MEI4: variants seen among roughly 807,000 people sequenced by gnomAD.
The protein encoded by MEI4 is meiosis-specific protein MEI4.
A neutral mutation model predicts 31.4 loss-of-function variants in MEI4; 27 were observed. That is an observed-to-expected ratio of 0.86 (90% CI 0.63 to 1.19). MEI4 has a LOEUF of 1.19. Among genes scored for constraint, MEI4 ranks in the 50% most tolerant of loss-of-function variants. The probability of loss-of-function intolerance (pLI) is 0.00; values close to 1 mark genes in which losing one functional copy is unlikely to be tolerated. For synonymous variants in MEI4, 122 were observed against 145.4 expected (o/e 0.84, Z 1.16); for missense variants, 329 against 398.9 (o/e 0.82, Z 1.49).
At chr6:77,842,452 T>C (rs1005187303) in intron 4 of MEI4, among the ~76,000 whole-genome samples, 2 of 149,962 alleles carry the variant, frequency 1.3e-5, no homozygotes, top group African/African-American at 5.0e-5. Flanking sequence ...TGAAGGGAGG[T>C]TTTAAATCAA....
intron 1 of MEI4, among the ~76,000 whole-genome samples, chr6:77,678,889 G>A (rs1404810135): frequency 6.6e-6 from 1 of 151,966 alleles, no homozygotes; most frequent in Non-Finnish European, 1.5e-5. Context: ...TTGACCCTGT[G>A]TATGTCTAGC....
intron 3 of MEI4, among the ~76,000 whole-genome samples, chr6:77,784,616 A>G (rs1280095336): frequency 1.3e-5 from 2 of 152,202 alleles, no homozygotes; most frequent in Non-Finnish European, 2.9e-5. Flanking sequence ...TGTCAATTAA[A>G]GCTGGCAGAA....
At chr6:77,794,460 G>A (rs991749072) in intron 3 of MEI4, among the ~76,000 whole-genome samples, 10 of 152,144 alleles carry the variant, frequency 6.6e-5, no homozygotes. Context: ...CTACTCGGGA[G>A]GGTGAGGCAG....
At chr6:77,883,745 A>ATATATATATGTAT (rs55947073) in intron 4 of MEI4, among the ~76,000 whole-genome samples, 1 of 82,302 alleles carries the variant, frequency 1.2e-5, no homozygotes, top group Admixed American at 1.3e-4. Flanking sequence ...TATATATATA[A>ATATATATATGTAT]CTTTGTCTTT....
At chr6:77,874,740 G>T (rs1238589730) in intron 4 of MEI4, among the ~76,000 whole-genome samples, 3 of 152,052 alleles carry the variant, frequency 2.0e-5, no homozygotes, top group African/African-American at 7.3e-5. Flanking sequence ...TTGGCTGTGG[G>T]TTTGTCATAG....
intron 1 of MEI4, among the ~76,000 whole-genome samples, chr6:77,669,704 CT>C (rs1768703709): frequency 6.6e-6 from 1 of 152,218 alleles, no homozygotes; most frequent in Non-Finnish European, 1.5e-5. Context: ...AATAGCTAAA[CT>C]TTGCAAGTTC....
chr6:77,712,896 G>A (rs942726916), intron 2 of MEI4, among the ~76,000 whole-genome samples: 2 of 151,982 alleles, frequency 1.3e-5, no homozygotes, highest in Middle Eastern at 3.4e-3. Context: ...GCGTAAACCC[G>A]GGAGGCGGAG....
chr6:77,862,239 G>C (rs1322578546), intron 4 of MEI4, among the ~76,000 whole-genome samples: 1 of 152,152 alleles, frequency 6.6e-6, no homozygotes, highest in Non-Finnish European at 1.5e-5. Flanking sequence ...AGGACAGTGG[G>C]TGCAGCGCAC....
At chr6:77,885,845 G>A (rs1317632484) in intron 4 of MEI4, among the ~76,000 whole-genome samples, 1 of 152,004 alleles carries the variant, frequency 6.6e-6, no homozygotes, top group Non-Finnish European at 1.5e-5. Context: ...TGTTCCTTCT[G>A]TGCCTACTTT....
chr6:77,682,577 T>C (rs1768978934), intron 1 of MEI4, among the ~76,000 whole-genome samples: 1 of 152,190 alleles, frequency 6.6e-6, no homozygotes, highest in South Asian at 2.1e-4. Context: ...ACTCCAAGGC[T>C]ATTTTCCTAG....
chr6:77,833,013 T>C (rs1033783343), intron 4 of MEI4, among the ~76,000 whole-genome samples: 8 of 152,164 alleles, frequency 5.3e-5, no homozygotes, highest in Non-Finnish European at 1.2e-4. Flanking sequence ...TGAATGGGTC[T>C]TGTTGAAATT....
rs189668217 is a variant in MEI4 at position 77,766,443 on chromosome 6, T to C, written c.768+4778T>C. ...TTATTTATTTTTTTGAGACGGAGTC[T>C]CTCTCTGTTGCCCAGGCTGGAGTGC... On this transcript the variant is annotated intron_variant, in intron 3 of 4. Transcript: ENST00000684080. Among the ~76,000 whole-genome samples the C allele has an allele frequency of 1.4e-3, 213 of 152,282 alleles. 1 individual carries two copies. Among genetic ancestry groups the C allele is most frequent in the African/African-American group, 4.5e-3 (187 of 41,550 alleles).
intron 2 of MEI4, among the ~76,000 whole-genome samples, chr6:77,754,520 G>A (rs1582106506): frequency 6.6e-6 from 1 of 152,092 alleles, no homozygotes; most frequent in Non-Finnish European, 1.5e-5. Context: ...GTCTTCTTGT[G>A]TACCCTCAGA....
At chr6:77,799,651 G>A (rs563019420) in intron 3 of MEI4, among the ~76,000 whole-genome samples, 27 of 151,960 alleles carry the variant, frequency 1.8e-4, no homozygotes, top group Non-Finnish European at 2.6e-4. Context: ...TCTTTAATCC[G>A]TCTTGAATTA....
At chr6:77,873,920 T>A (rs1159573839) in intron 4 of MEI4, among the ~76,000 whole-genome samples, 2 of 152,230 alleles carry the variant, frequency 1.3e-5, no homozygotes, top group Admixed American at 6.5e-5. Flanking sequence ...GTTGTAGATA[T>A]GCGGCATTAT....
At chr6:77,749,189 T>G (rs1034245081) in intron 2 of MEI4, among the ~76,000 whole-genome samples, 6 of 152,034 alleles carry the variant, frequency 3.9e-5, no homozygotes, top group African/African-American at 1.4e-4. Context: ...AGCTGAAGAT[T>G]CCAAAACCCA....
intron 2 of MEI4, among the ~76,000 whole-genome samples, chr6:77,750,790 C>T (rs534632269): frequency 6.6e-6 from 1 of 152,270 alleles, no homozygotes; most frequent in South Asian, 2.1e-4. Flanking sequence ...ATCTACAGGA[C>T]TCTCCACCCC....
rs1180488536 is a variant in MEI4, at chr6:77,820,531, G to A, written c.769-8400G>A. Among the ~76,000 whole-genome samples, 1 of 152,182 alleles carries A rather than the reference G, an allele frequency of 6.6e-6. No individual in the cohort carries two copies. On this transcript the variant is annotated intron_variant, in intron 3 of 4. Coordinates refer to ENST00000684080, the MANE Select transcript of MEI4 (RefSeq NM_001322247.2). This position sits in a 1 kb window ranked among gnomAD's most constrained non-coding sequence, Gnocchi z 4.5. ...TTCGCCTGCCTAGGCCTCCCAAATT[G>A]CTGGGATTACAGTCATGAGCCACTG... is the stretch of plus-strand genomic sequence containing the variant.
chr6:77,907,293 G>A (rs9448245), intron 4 of MEI4, among the ~76,000 whole-genome samples: 3,330 of 151,822 alleles, frequency 0.022, 123 homozygotes, highest in African/African-American at 0.077. Flanking sequence ...CCCCCTCCCC[G>A]CACTCCACAA....
Sources: gnomAD v4.1 joint callset for allele counts (sites outside exome capture counted in the v4.1 genomes callset) on GRCh38, gnomAD v4.1.1 for gene constraint, Gnocchi (gnomAD v3.1) non-coding constraint, MANE v1.5 for transcripts, NCBI Gene and HGNC (gene_info 2026-07-23, HGNC 2026-07-21) for gene names.